ADARB1: variants seen among roughly 807,000 people sequenced by gnomAD.
The protein encoded by ADARB1 is double-stranded RNA-specific editase 1.
Under a neutral mutation model 52.4 loss-of-function variants are expected in ADARB1, and 10 were observed. The observed-to-expected ratio is 0.19, with a 90% confidence interval of 0.12 to 0.32. ADARB1 has a LOEUF of 0.32. ADARB1 is among the 10% of genes least tolerant of loss of function. The pLI, the probability that ADARB1 is intolerant of heterozygous loss-of-function variation, is 1.00. For synonymous variants in ADARB1, 349 were observed against 371.1 expected (o/e 0.94, Z 0.68); for missense variants, 643 against 922.3 (o/e 0.70, Z 3.92).
intron 1 of ADARB1, among the ~76,000 whole-genome samples, chr21:45,116,332 C>G (rs1029189466): frequency 6.6e-6 from 1 of 152,258 alleles, no homozygotes; most frequent in Admixed American, 6.5e-5. Context: ...GCCTCGGCTG[C>G]TAAGTCTTTG....
At chr21:45,099,129 T>C (rs946297419) in intron 1 of ADARB1, among the ~76,000 whole-genome samples, 2 of 152,232 alleles carry the variant, frequency 1.3e-5, no homozygotes, top group Admixed American at 6.5e-5. Flanking sequence ...GATCATAGCC[T>C]GAATGGGATT....
chr21:45,099,128 C>T (rs1372215464), intron 1 of ADARB1, among the ~76,000 whole-genome samples: 1 of 152,196 alleles, frequency 6.6e-6, no homozygotes, highest in Non-Finnish European at 1.5e-5. Context: ...GGATCATAGC[C>T]TGAATGGGAT....
intron 1 of ADARB1, among the ~76,000 whole-genome samples, chr21:45,076,527 A>G (rs2085942944): frequency 6.6e-6 from 1 of 152,236 alleles, no homozygotes; most frequent in Non-Finnish European, 1.5e-5. Context: ...GCCCTCCTGC[A>G]GGGACAGGGG....
In ADARB1 at chr21:45,223,517, TGA is replaced by T; in HGVS notation, c.*1325_*1326del. 1.0e-6 allele frequency: 1 copy of T among 985,678 alleles called. No homozygotes were observed. The highest frequency in any genetic ancestry group is 1.2e-6 in the Non-Finnish European group (1 of 830,122). 61.1% of individuals were successfully genotyped at this position (985,678 alleles called of 1,614,324 possible). On this transcript the variant is annotated 3_prime_UTR_variant, in exon 11 of 11. Transcript: ENST00000348831. ...CCTCCGCTCAGGATGAAAGAGGAGC[TGA>T]GAGAAGTGCTCTGCCTGCCAGTGCA...
chr21:45,169,458 T>A (rs150748058), intron 2 of ADARB1, among the ~76,000 whole-genome samples: 298 of 152,312 alleles, frequency 2.0e-3, no homozygotes, highest in African/African-American at 6.5e-3. Context: ...TGCCAATGCC[T>A]GCTGATGTTT....
chr21:45,105,149 G>A (rs939959801), intron 1 of ADARB1, among the ~76,000 whole-genome samples: 1 of 152,152 alleles, frequency 6.6e-6, no homozygotes, highest in East Asian at 1.9e-4. Context: ...CACCCAGGCT[G>A]GAGAGCAGTG....
chr21:45,156,518 C>CCCAT (rs367635331), intron 2 of ADARB1, among the ~76,000 whole-genome samples: 1,822 of 106,862 alleles, frequency 0.017, 155 homozygotes, highest in African/African-American at 0.075. Flanking sequence ...CACCCACCCA[C>CCCAT]CCATCATCAC....
rs369663038 is a variant in ADARB1 at position 45,179,656 on chromosome 21, G to A, written c.964-674G>A. 7.2e-5 allele frequency among the ~76,000 whole-genome samples: 11 copies of A among 152,218 alleles called. No homozygotes were observed. In the East Asian group the frequency reaches 7.7e-4, roughly 11 times the overall value. On this transcript the variant is annotated intron_variant, in intron 4 of 10. Coordinates refer to ENST00000348831, the MANE Select transcript of ADARB1 (RefSeq NM_001112.4). ...GAACGTCTAAGCGCTTTCCCTCCCC[G>A]TGCTGTTCTCTGGTACATGATTCTA...
Position 45,157,858 on chromosome 21 carries a change from T to C in ADARB1, c.-47-13752T>C, listed in dbSNP as rs1174012215. ...CTCTAACAGAAGTCACCCTGGCAGT[T>C]GCTTCTAGTCCAGCAATAGAAAGGT... is the stretch of plus-strand genomic sequence containing the variant. On this transcript the variant is annotated intron_variant, in intron 2 of 10. Coordinates refer to ENST00000348831, the MANE Select transcript of ADARB1 (RefSeq NM_001112.4). The surrounding 1 kb of genome is among the most constrained non-coding windows in gnomAD (Gnocchi z 4.1). Among the ~76,000 whole-genome samples the C allele has an allele frequency of 6.6e-6, 1 of 152,156 alleles. No homozygotes were observed. The highest frequency in any genetic ancestry group is 2.4e-5 in the African/African-American group (1 of 41,422).
Position 45,222,924 on chromosome 21 carries a change from T to A in ADARB1, c.*727T>A. ...CAGGCCCCTGTAGCCCTCAGCCTCC[T>A]CTAGAAGCTTCTGTACTCCTTGTAG... On this transcript the variant is annotated 3_prime_UTR_variant, in exon 11 of 11. Coordinates refer to ENST00000348831, the MANE Select transcript of ADARB1 (RefSeq NM_001112.4). 1.0e-6 allele frequency: 1 copy of A among 985,490 alleles called. No individual in the cohort carries two copies. The highest frequency in any genetic ancestry group is 1.2e-6 in the Non-Finnish European group (1 of 829,954). The allele number at this position is 985,490 out of a possible 1,614,324, so 61.0% of individuals were successfully genotyped here.
chr21:45,096,705 A>G (rs905380586), intron 1 of ADARB1, among the ~76,000 whole-genome samples: 5 of 152,138 alleles, frequency 3.3e-5, no homozygotes, highest in African/African-American at 7.2e-5. Flanking sequence ...AGATGAGGGA[A>G]CCTCTGGGGA....
rs187658250 is a variant in ADARB1 at position 45,214,201 on chromosome 21, A to G, written c.1748-6635A>G. Among the ~76,000 whole-genome samples, 336 of 152,330 alleles carry G rather than the reference A, an allele frequency of 2.2e-3. 1 individual carries two copies. Among genetic ancestry groups the G allele is most frequent in the African/African-American group, 7.7e-3 (321 of 41,580 alleles). On this transcript the variant is annotated intron_variant, in intron 9 of 10. Transcript: ENST00000348831. ...CTGTGCCTTCTTCAATAAACTGTTC[A>G]AAACTTATGCACATTTTTACTGAGT...
chr21:45,088,312 T>C (rs1454412919), intron 1 of ADARB1, among the ~76,000 whole-genome samples: 1 of 152,174 alleles, frequency 6.6e-6, no homozygotes, highest in Non-Finnish European at 1.5e-5. Context: ...CCTCTGATGA[T>C]GCTGGAAATA....
At position 45,095,150 on chromosome 21, in the gene ADARB1, T is replaced by G. The variant is rs543178237; in HGVS notation, c.-220+20357T>G. ...CAGGACTGTACAGAACTAGCCAACC[T>G]CTTGGATTCCGTGGGCAGTGCCACC... is the stretch of plus-strand genomic sequence containing the variant. On this transcript the variant is annotated intron_variant, in intron 1 of 10. Transcript: ENST00000348831. 3.3e-5 allele frequency among the ~76,000 whole-genome samples: 5 copies of G among 152,358 alleles called. No individual in the cohort carries two copies. The East Asian group carries it at 9.7e-4, about 29-fold the overall frequency.
chr21:45,192,730 C>T (rs2092332314), intron 8 of ADARB1, among the ~76,000 whole-genome samples: 1 of 152,070 alleles, frequency 6.6e-6, no homozygotes, highest in African/African-American at 2.4e-5. Context: ...GACAAAATTA[C>T]CAATATCGGA....
chr21:45,194,704 G>A (rs1243214383), intron 8 of ADARB1, among the ~76,000 whole-genome samples: 1 of 152,108 alleles, frequency 6.6e-6, no homozygotes, highest in Non-Finnish European at 1.5e-5. Flanking sequence ...TTTCAGATTG[G>A]CTTTTTACAC....
At chr21:45,163,936 C>T (rs113829491) in intron 2 of ADARB1, among the ~76,000 whole-genome samples, 2,200 of 152,332 alleles carry the variant, frequency 0.014, 57 homozygotes, top group African/African-American at 0.05. Flanking sequence ...TGAGTTCACT[C>T]GGCACAGTCA....
chr21:45,121,000 A>G (rs1217956023), intron 1 of ADARB1: 1 of 152,066 alleles, frequency 6.6e-6, no homozygotes, highest in African/African-American at 2.4e-5. Context: ...ACTGTCTTTT[A>G]TATGTCCCTG....
At chr21:45,198,975 TA>T (rs2092489936) in intron 8 of ADARB1, among the ~76,000 whole-genome samples, 1 of 152,104 alleles carries the variant, frequency 6.6e-6, no homozygotes, top group Admixed American at 6.6e-5. Flanking sequence ...ACTAACAATA[TA>T]AAACCATAGT....
Sources: gnomAD v4.1 joint callset for allele counts (sites outside exome capture counted in the v4.1 genomes callset) on GRCh38, gnomAD v4.1.1 for gene constraint, Gnocchi (gnomAD v3.1) non-coding constraint, MANE v1.5 for transcripts, NCBI Gene and HGNC (gene_info 2026-07-23, HGNC 2026-07-21) for gene names.